PRXL2C: variants seen among roughly 807,000 people sequenced by gnomAD.
PRXL2C encodes the protein peroxiredoxin like 2C.
A neutral mutation model predicts 24.9 loss-of-function variants in PRXL2C; 38 were observed. The observed-to-expected ratio is 1.53, with a 90% CI of 1.18 to 2.00. The LOEUF (loss-of-function observed/expected upper bound fraction) is 2.00, where lower values mean the gene tolerates loss of function less well. Among genes scored for constraint, PRXL2C ranks in the 30% most tolerant of loss-of-function variants. The pLI, the probability that PRXL2C is intolerant of heterozygous loss-of-function variation, is 0.00. For missense variants in PRXL2C, 294 were observed against 290.9 expected (o/e 1.01, Z -0.08); for synonymous variants, 98 against 117.2 (o/e 0.84, Z 1.06).
intron 4 of PRXL2C, among the ~76,000 whole-genome samples, chr9:96,648,205 A>G (rs1397976018): frequency 6.6e-6 from 1 of 152,150 alleles, no homozygotes; most frequent in East Asian, 1.9e-4. Flanking sequence ...ACCCAGCCCA[A>G]ACTCTCTTCT....
intron 4 of PRXL2C, among the ~76,000 whole-genome samples, chr9:96,649,961 G>A (rs927065668): frequency 6.6e-6 from 1 of 152,140 alleles, no homozygotes; most frequent in African/African-American, 2.4e-5. Context: ...TTTTCTGAAG[G>A]AGTCATGTTT....
At chr9:96,645,052 A>T (rs577090148) in intron 5 of PRXL2C, among the ~76,000 whole-genome samples, 2 of 150,186 alleles carry the variant, frequency 1.3e-5, no homozygotes, top group Admixed American at 1.3e-4. Flanking sequence ...GACTACAGGC[A>T]CCCGCCACCA....
At chr9:96,650,376 T>C (rs1848251627) in intron 4 of PRXL2C, among the ~76,000 whole-genome samples, 2 of 152,190 alleles carry the variant, frequency 1.3e-5, no homozygotes, top group African/African-American at 4.8e-5. Flanking sequence ...ACACAAGCAG[T>C]ACAACTCAAG....
chr9:96,645,032 G>A (rs1352565502), intron 5 of PRXL2C, among the ~76,000 whole-genome samples: 1 of 150,084 alleles, frequency 6.7e-6, no homozygotes, highest in Non-Finnish European at 1.5e-5. Context: ...TCAGCCTCCC[G>A]AGTAGCTGGG....
At position 96,654,790 on chromosome 9, in the gene PRXL2C, C is replaced by T. The variant is rs1376566417; in HGVS notation, c.193-17G>A. On this transcript the variant is annotated splice_polypyrimidine_tract_variant and intron_variant, in intron 1 of 5. Coordinates refer to ENST00000375234, the MANE Select transcript of PRXL2C (RefSeq NM_153698.2). ...CAGGAAATGCTGAAAGCCAAAACGG[C>T]AGAAAGGGCAAGTTAGTAAAGCAGC... is the stretch of plus-strand genomic sequence containing the variant. 1 of 1,554,350 alleles carries T rather than the reference C, an allele frequency of 6.4e-7. No homozygotes were observed. The highest frequency in any genetic ancestry group is 2.4e-5 in the East Asian group (1 of 41,680).
chr9:96,651,422 C>A lies in PRXL2C; in HGVS notation c.389G>T (p.Gly130Val). The change falls in exon 4 of 6, where the codon GGA becomes GTA. Residue 130 changes from glycine (G) to valine (V), a missense_variant. Gly to Val is a moderately radical substitution (Grantham distance 109). Coordinates refer to ENST00000375234, the MANE Select transcript of PRXL2C (RefSeq NM_153698.2). ...DPEREIYKRLGMKRGEEIASS... is the reference protein window; with the variant it reads ...DPEREIYKRLVMKRGEEIASS... Reference sequence around the variant, plus strand: ...AGCAATTTCTTCACCTCTTTTCATTCCCAATCTTTTATAAATTTCTCTCTC... The same window carrying A: ...AGCAATTTCTTCACCTCTTTTCATTACCAATCTTTTATAAATTTCTCTCTC... 1 of 1,612,840 alleles carries A rather than the reference C, an allele frequency of 6.2e-7. No homozygotes were observed. Among genetic ancestry groups the A allele is most frequent in the Non-Finnish European group, 8.5e-7 (1 of 1,179,730 alleles).
chr9:96,647,788 A>T (rs1341853308), intron 4 of PRXL2C, among the ~76,000 whole-genome samples: 1 of 152,078 alleles, frequency 6.6e-6, no homozygotes, highest in Non-Finnish European at 1.5e-5. Flanking sequence ...TCCGCCTCCC[A>T]AAGTGCTGGG....
intron 2 of PRXL2C, among the ~76,000 whole-genome samples, chr9:96,653,767 T>C (rs901283512): frequency 3.4e-4 from 51 of 152,148 alleles, no homozygotes; most frequent in African/African-American, 1.2e-3. Context: ...AAAACATTGT[T>C]TTCAAAATGA....
rs200220882 is a variant in PRXL2C at position 96,653,239 on chromosome 9, AG to A, written c.261+1465del. 1.5e-3 allele frequency among the ~76,000 whole-genome samples: 216 copies of A among 147,098 alleles called. 6 individuals are homozygous for A. Among genetic ancestry groups the A allele is most frequent in the African/African-American group, 5.3e-3 (193 of 36,668 alleles). ...GAGACTCCATCTCAAAAAAAAAAAA[AG>A]AAGAAAAGAAAATACGGTATCACAT... On this transcript the variant is annotated intron_variant, in intron 2 of 5. Transcript: ENST00000375234.
intron 4 of PRXL2C, among the ~76,000 whole-genome samples, chr9:96,646,313 T>A (rs1434543450): frequency 6.6e-6 from 1 of 152,204 alleles, no homozygotes; most frequent in Non-Finnish European, 1.5e-5. Context: ...GAGGAGTAAA[T>A]GTCCCAGTTA....
In PRXL2C at chr9:96,640,519, A is replaced by G. The variant is rs1451654407; in HGVS notation, c.*1240T>C. ...GCGACAGAGCAAGACTCCATCTCAA[A>G]AAAAAAAAAAAAAAAAAAAAAAAAA... is the stretch of plus-strand genomic sequence containing the variant. On this transcript the variant is annotated 3_prime_UTR_variant, in exon 6 of 6. Coordinates refer to ENST00000375234, the MANE Select transcript of PRXL2C (RefSeq NM_153698.2). The G allele has an allele frequency of 5.9e-5, 8 of 135,470 alleles. No individual in the cohort carries two copies. In the East Asian group the frequency reaches 6.6e-4, roughly 11 times the overall value. 8.4% of individuals were successfully genotyped at this position (135,470 alleles called of 1,614,324 possible).
At chr9:96,652,089 C>A (rs1042348986) in intron 2 of PRXL2C, among the ~76,000 whole-genome samples, 1 of 152,036 alleles carries the variant, frequency 6.6e-6, no homozygotes, top group African/African-American at 2.4e-5. Context: ...TTCTGCACAG[C>A]CAAGGAAACA....
chr9:96,642,026 A>G (rs1848124085), intron 5 of PRXL2C, 140 bp from the exon 6 acceptor site: 5 of 543,756 alleles, frequency 9.2e-6, no homozygotes, highest in East Asian at 6.7e-5. Context: ...TATTCTCTAT[A>G]TAATGCCATA....
At position 96,646,038 on chromosome 9, in the gene PRXL2C, A is replaced by T. The variant is rs900067935; in HGVS notation, c.422-14T>A. 6.3e-7 allele frequency: 1 copy of T among 1,587,520 alleles called. No individual in the cohort carries two copies. The highest frequency in any genetic ancestry group is 1.9e-5 in the Admixed American group (1 of 52,964). ...GGGGGCTCTGTCCTGAAATGTCGAA[A>T]ATTGTCTTTAGATGTCATTTTATAT... On this transcript the variant is annotated splice_polypyrimidine_tract_variant and intron_variant, in intron 4 of 5. Transcript: ENST00000375234.
intron 4 of PRXL2C, among the ~76,000 whole-genome samples, chr9:96,649,150 G>C (rs193095862): frequency 6.6e-6 from 1 of 152,238 alleles, no homozygotes; most frequent in Admixed American, 6.5e-5. Context: ...GTACCAAAAA[G>C]TAAGGTTCAC....
chr9:96,645,086 T>G (rs565836729), intron 5 of PRXL2C, among the ~76,000 whole-genome samples: 5 of 151,342 alleles, frequency 3.3e-5, no homozygotes, highest in Non-Finnish European at 7.4e-5. Flanking sequence ...TTTTTTTGTA[T>G]TTTTAGTAGA....
intron 4 of PRXL2C, among the ~76,000 whole-genome samples, chr9:96,648,479 T>C (rs6477600): frequency 0.016 from 2,484 of 152,050 alleles, 75 homozygotes; most frequent in African/African-American, 0.057. Flanking sequence ...AATATATTTT[T>C]AGTGCCTTAG....
chr9:96,646,332 T>C (rs1848201266), intron 4 of PRXL2C, among the ~76,000 whole-genome samples: 1 of 152,228 alleles, frequency 6.6e-6, no homozygotes, highest in Non-Finnish European at 1.5e-5. Flanking sequence ...TAAGAACTAC[T>C]GCTTTAAAGG....
In PRXL2C at chr9:96,655,071, A is replaced by G; in HGVS notation, c.192+19T>C. 1 of 1,457,398 alleles carries G rather than the reference A, an allele frequency of 6.9e-7. No individual in the cohort carries two copies. Among genetic ancestry groups the G allele is most frequent in the South Asian group, 1.3e-5 (1 of 76,322 alleles). The allele number at this position is 1,457,398 out of a possible 1,614,324, so 90.3% of individuals were successfully genotyped here. A position where few individuals can be genotyped will look rare whatever the true frequency, so the allele number is the denominator to read the frequency against. The stretch of plus-strand genomic sequence containing the variant: ...GGACCCTGGGCCGCGCTTCCCTTCC[A>G]GCCCCGCCGCCCGCTCACCCGCACG... On this transcript the variant is annotated intron_variant, in intron 1 of 5. Coordinates refer to ENST00000375234, the MANE Select transcript of PRXL2C (RefSeq NM_153698.2).
Sources: gnomAD v4.1 joint callset for allele counts (sites outside exome capture counted in the v4.1 genomes callset) on GRCh38, gnomAD v4.1.1 for gene constraint, MANE v1.5 for transcripts, NCBI Gene and HGNC (gene_info 2026-07-23, HGNC 2026-07-21) for gene names.